SPMIP8: variants seen among roughly 807,000 people sequenced by gnomAD.
The protein encoded by SPMIP8 is testicular tissue protein Li 196.
chr16:57,977,560 A>AGAGTGTGT, the SPMIP8 span, among the ~76,000 whole-genome samples: 1 of 132,642 alleles, frequency 7.5e-6, no homozygotes, highest in South Asian at 2.5e-4. Flanking sequence ...GCACAATGTG[A>AGAGTGTGT]GTGTGTGTGT....
chr16:57,984,552 T>C, the SPMIP8 span: 49 of 1,495,736 alleles, frequency 3.3e-5, no homozygotes, highest in South Asian at 5.1e-4. Context: ...ACTTGTCAAC[T>C]GAGGCCTTTG....
the SPMIP8 span, chr16:57,984,650 A>T: frequency 1.3e-6 from 2 of 1,588,042 alleles, no homozygotes; most frequent in Non-Finnish European, 1.7e-6. Flanking sequence ...TCACCGCCAC[A>T]GGCCAGAAGC....
At chr16:57,986,034 C>G in the SPMIP8 span, 1 of 1,470,304 alleles carries the variant, frequency 6.8e-7, no homozygotes, top group African/African-American at 1.4e-5. Context: ...TGAAACCCCC[C>G]TGCCCCAGCG....
At chr16:57,982,180 A>G in the SPMIP8 span, among the ~76,000 whole-genome samples, 2 of 152,184 alleles carry the variant, frequency 1.3e-5, no homozygotes, top group East Asian at 3.8e-4. Context: ...ACATCCTTCT[A>G]CATGACACAA....
chr16:57,982,378 G>T, the SPMIP8 span, among the ~76,000 whole-genome samples: 4 of 152,292 alleles, frequency 2.6e-5, no homozygotes, highest in East Asian at 7.7e-4. Flanking sequence ...GTCTAAAACA[G>T]TCCACCCAGT....
the SPMIP8 span, among the ~76,000 whole-genome samples, chr16:57,982,491 T>G: frequency 2.0e-5 from 3 of 152,216 alleles, no homozygotes; most frequent in Non-Finnish European, 4.4e-5. Context: ...ATGGTGTTTC[T>G]TATCTTGTTA....
the SPMIP8 span, chr16:57,985,667 C>G: frequency 7.3e-7 from 1 of 1,372,188 alleles, no homozygotes; most frequent in Non-Finnish European, 9.8e-7. Context: ...AAATTGGCTC[C>G]AATACACCAG....
the SPMIP8 span, chr16:57,976,736 C>T: frequency 7.1e-7 from 1 of 1,398,982 alleles, no homozygotes; most frequent in Non-Finnish European, 9.8e-7. Flanking sequence ...CTTCCCCATG[C>T]CTTGTCACCA....
chr16:57,978,559 A>G, the SPMIP8 span, among the ~76,000 whole-genome samples: 51,512 of 151,584 alleles, frequency 0.34, 11,420 homozygotes, highest in African/African-American at 0.64. Flanking sequence ...AAGCACTTAG[A>G]GTAGTGCCTG....
the SPMIP8 span, chr16:57,984,779 G>A: frequency 4.0e-5 from 65 of 1,609,068 alleles, no homozygotes; most frequent in South Asian, 2.6e-4. Flanking sequence ...CCTCGGCCGG[G>A]GAGTTCAAGC....
chr16:57,982,437 G>A, the SPMIP8 span, among the ~76,000 whole-genome samples: 1 of 152,174 alleles, frequency 6.6e-6, no homozygotes, highest in African/African-American at 2.4e-5. Context: ...TAACAGTTGT[G>A]TTGTAGACAG....
At chr16:57,976,737 C>A in the SPMIP8 span, 1 of 1,387,848 alleles carries the variant, frequency 7.2e-7, no homozygotes, top group Non-Finnish European at 9.9e-7. Flanking sequence ...TTCCCCATGC[C>A]TTGTCACCAT....
At chr16:57,985,812 G>T in the SPMIP8 span, 1 of 1,469,288 alleles carries the variant, frequency 6.8e-7, no homozygotes, top group Non-Finnish European at 9.1e-7. Flanking sequence ...CTTCAGGAGG[G>T]ATGGCGGGGA....
chr16:57,981,392 A>AATT, the SPMIP8 span, among the ~76,000 whole-genome samples: 3 of 83,584 alleles, frequency 3.6e-5, no homozygotes, highest in South Asian at 4.0e-4. Flanking sequence ...TAATAATAAT[A>AATT]ATTATTATTA....
the SPMIP8 span, chr16:57,988,070 C>G: frequency 6.6e-6 from 1 of 152,288 alleles, no homozygotes; most frequent in African/African-American, 2.4e-5. Context: ...GAAGAAAGTT[C>G]CCCGCTCTCC....
chr16:57,985,584 A>C, the SPMIP8 span: 1 of 1,560,824 alleles, frequency 6.4e-7, no homozygotes, highest in Non-Finnish European at 8.7e-7. Flanking sequence ...CCATATCTGG[A>C]GGAGGGAGGA....
At chr16:57,978,578 T>A in the SPMIP8 span, among the ~76,000 whole-genome samples, 2 of 151,806 alleles carry the variant, frequency 1.3e-5, no homozygotes, top group Non-Finnish European at 2.9e-5. Flanking sequence ...TGGCACATAA[T>A]ATGTGCTCAA....
chr16:57,987,517 C>G, the SPMIP8 span: 1 of 1,437,544 alleles, frequency 7.0e-7, no homozygotes, highest in Non-Finnish European at 9.4e-7. Context: ...CACCAGCCAT[C>G]TCCCCAGGAG....
chr16:57,977,884 T>C, the SPMIP8 span: 7 of 1,614,138 alleles, frequency 4.3e-6, no homozygotes, highest in South Asian at 6.6e-5. Context: ...TCCCCGGCCA[T>C]CCTGCTTCCC....
Sources: allele counts gnomAD v4.1 joint callset (sites outside exome capture counted in the v4.1 genomes callset), GRCh38; gene constraint gnomAD v4.1.1; transcripts MANE v1.5; gene names NCBI Gene and HGNC (gene_info 2026-07-23, HGNC 2026-07-21).